Variants in NRG3 observed in about 807,000 individuals in gnomAD.
The protein encoded by NRG3 is pro-neuregulin-3, membrane-bound isoform.
NRG3 carries 31 observed loss-of-function variants against 66.9 expected under a neutral mutation model. The ratio of observed to expected loss-of-function variants is 0.46; its 90% CI spans 0.35 to 0.63. NRG3 has a LOEUF of 0.63. Ranked by LOEUF, NRG3 falls within the 20% of genes least tolerant of loss-of-function variation. The pLI, the probability that NRG3 is intolerant of heterozygous loss-of-function variation, is 0.00. For missense variants in NRG3, 910 were observed against 878.9 expected, an observed-to-expected ratio of 1.04 and a Z score of -0.45; for synonymous variants, 393 against 359.4, an observed-to-expected ratio of 1.09 and a Z score of -1.06.
chr10:81,993,929 G>T (rs1026697205), intron 1 of NRG3, among the ~76,000 whole-genome samples: 3 of 152,156 alleles, frequency 2.0e-5, no homozygotes, highest in Admixed American at 6.5e-5. Context: ...ATAGTGTGAA[G>T]ATTTCCCCAG....
At chr10:82,041,847 G>T (rs1330922006) in intron 1 of NRG3, among the ~76,000 whole-genome samples, 3 of 149,632 alleles carry the variant, frequency 2.0e-5, no homozygotes, top group Admixed American at 1.3e-4. Context: ...TCATTAAATG[G>T]CATTGCATTG....
intron 2 of NRG3, among the ~76,000 whole-genome samples, chr10:82,499,960 G>A (rs1260466767): frequency 6.6e-6 from 1 of 152,162 alleles, no homozygotes; most frequent in East Asian, 1.9e-4. Flanking sequence ...CTGATTTCAA[G>A]TAGCCTTCAT....
intron 2 of NRG3, among the ~76,000 whole-genome samples, chr10:82,686,056 A>G (rs1282007040): frequency 6.6e-6 from 1 of 152,222 alleles, no homozygotes; most frequent in African/African-American, 2.4e-5. Flanking sequence ...GTACTCAGAA[A>G]GAGTATACTC....
intron 8 of NRG3, among the ~76,000 whole-genome samples, chr10:82,983,280 C>G (rs1410145645): frequency 1.3e-5 from 2 of 152,108 alleles, no homozygotes; most frequent in African/African-American, 4.8e-5. Flanking sequence ...GAAACAAAAG[C>G]CTGAAATTTT....
At chr10:82,099,920 T>A (rs1381450186) in intron 1 of NRG3, among the ~76,000 whole-genome samples, 1 of 151,804 alleles carries the variant, frequency 6.6e-6, no homozygotes, top group Non-Finnish European at 1.5e-5. Context: ...GGAGTTCAAG[T>A]ATGCAGTGAG....
intron 1 of NRG3, among the ~76,000 whole-genome samples, chr10:82,138,323 A>G (rs1315852291): frequency 1.3e-5 from 2 of 152,178 alleles, no homozygotes; most frequent in East Asian, 1.9e-4. Context: ...TACATTTAAT[A>G]TGAAAGAAAT....
chr10:82,775,660 T>C (rs1352693810), intron 3 of NRG3, among the ~76,000 whole-genome samples: 1 of 152,162 alleles, frequency 6.6e-6, no homozygotes, highest in Non-Finnish European at 1.5e-5. Flanking sequence ...TATTTTCTCA[T>C]TGATTTTCTA....
chr10:82,444,098 GTTGT>G (rs1473254259), intron 2 of NRG3, among the ~76,000 whole-genome samples: 5 of 152,222 alleles, frequency 3.3e-5, no homozygotes, highest in Middle Eastern at 3.4e-3. Flanking sequence ...AAAAAAATTT[GTTGT>G]TTGTTTGTTT....
intron 2 of NRG3, among the ~76,000 whole-genome samples, chr10:82,457,353 A>C (rs1437779026): frequency 6.6e-6 from 1 of 152,170 alleles, no homozygotes; most frequent in African/African-American, 2.4e-5. Context: ...CATAAGGAAC[A>C]CATAGCCTAG....
chr10:82,011,329 C>T (rs374663434), intron 1 of NRG3, among the ~76,000 whole-genome samples: 36 of 152,226 alleles, frequency 2.4e-4, no homozygotes, highest in African/African-American at 5.5e-4. Flanking sequence ...AGGACACCCA[C>T]GCAGCGATTA....
chr10:82,546,917 G>A (rs2043954029), intron 2 of NRG3, among the ~76,000 whole-genome samples: 1 of 152,048 alleles, frequency 6.6e-6, no homozygotes, highest in Non-Finnish European at 1.5e-5. Context: ...ATCAATTACT[G>A]TATTTGAAAA....
At chr10:82,234,501 A>G (rs992039471) in intron 1 of NRG3, among the ~76,000 whole-genome samples, 1 of 152,176 alleles carries the variant, frequency 6.6e-6, no homozygotes, top group African/African-American at 2.4e-5. Flanking sequence ...TGGTTTTCTC[A>G]CCATCAGATC....
chr10:82,713,208 G>A (rs376783977), intron 2 of NRG3, among the ~76,000 whole-genome samples: 8 of 150,792 alleles, frequency 5.3e-5, no homozygotes, highest in Non-Finnish European at 8.8e-5. Context: ...AAGGATCATC[G>A]TAAGCACTCT....
At chr10:82,157,994 C>T (rs1010796925) in intron 1 of NRG3, among the ~76,000 whole-genome samples, 5 of 151,548 alleles carry the variant, frequency 3.3e-5, no homozygotes, top group Admixed American at 6.6e-5. Flanking sequence ...ATCGGGAGCC[C>T]TGTGAAATTG....
chr10:82,953,789 CT>C (rs1238965069), intron 5 of NRG3, among the ~76,000 whole-genome samples: 2 of 151,794 alleles, frequency 1.3e-5, no homozygotes, highest in East Asian at 1.9e-4. Flanking sequence ...GAAATTCCAT[CT>C]CTACTAAAAA....
At chr10:82,737,678 TAAC>T (rs1193910533) in intron 2 of NRG3, among the ~76,000 whole-genome samples, 3 of 152,142 alleles carry the variant, frequency 2.0e-5, no homozygotes, top group Admixed American at 2.0e-4. Flanking sequence ...CCTCCCCACT[TAAC>T]AAGGCTGTTC....
chr10:82,319,289 C>T (rs1481990608), intron 1 of NRG3, among the ~76,000 whole-genome samples: 5 of 152,170 alleles, frequency 3.3e-5, no homozygotes, highest in Admixed American at 6.5e-5. Context: ...GTTCCATATG[C>T]GGATTAGTCA....
chr10:82,283,527 G>A (rs926365561), intron 1 of NRG3, among the ~76,000 whole-genome samples: 3 of 152,196 alleles, frequency 2.0e-5, no homozygotes, highest in African/African-American at 4.8e-5. Flanking sequence ...GAGCAAAGGT[G>A]TAGGGTAGGA....
chr10:82,326,719 C>T (rs1311602487), intron 1 of NRG3, among the ~76,000 whole-genome samples: 4 of 152,112 alleles, frequency 2.6e-5, no homozygotes, highest in African/African-American at 9.7e-5. Context: ...GTTTTCATCT[C>T]TCATTTGTTT....
Sources: allele counts gnomAD v4.1 joint callset (sites outside exome capture counted in the v4.1 genomes callset), GRCh38; gene constraint gnomAD v4.1.1; transcripts MANE v1.5; gene names NCBI Gene and HGNC (gene_info 2026-07-23, HGNC 2026-07-21).